The following TMEM132D variants were observed in gnomAD, a reference collection of about 807,000 sequenced individuals.
The protein encoded by TMEM132D is mature OL transmembrane protein.
In TMEM132D, 21 loss-of-function variants were observed where a neutral mutation model predicts 62.3. The ratio of observed to expected loss-of-function variants is 0.34; its 90% CI spans 0.24 to 0.49. The LOEUF is 0.49. TMEM132D is among the 20% of genes least tolerant of loss of function. The pLI, the probability that TMEM132D is intolerant of heterozygous loss-of-function variation, is 0.99. For missense variants in TMEM132D, 1,346 were observed against 1,402.8 expected (o/e 0.96, Z 0.65); for synonymous variants, 621 against 575.6 (o/e 1.08, Z -1.13).
At chr12:129,228,105 T>C (rs370659162) in intron 4 of TMEM132D, among the ~76,000 whole-genome samples, 1 of 152,092 alleles carries the variant, frequency 6.6e-6, no homozygotes, top group Non-Finnish European at 1.5e-5. Flanking sequence ...TAACAAAACA[T>C]GGTGTAGACA....
chr12:129,100,015 C>T (rs1231367568), intron 5 of TMEM132D, among the ~76,000 whole-genome samples: 5 of 121,928 alleles, frequency 4.1e-5, no homozygotes, highest in East Asian at 3.9e-4. Flanking sequence ...TTAGTAGAGA[C>T]GGGGCCACTT....
chr12:129,133,726 G>A (rs542516842), intron 5 of TMEM132D, among the ~76,000 whole-genome samples: 8 of 152,198 alleles, frequency 5.3e-5, no homozygotes, highest in Non-Finnish European at 1.2e-4. Context: ...GGTGTGTGGT[G>A]GGCCCCCAGT....
intron 3 of TMEM132D, among the ~76,000 whole-genome samples, chr12:129,500,356 G>A (rs191246546): frequency 4.4e-4 from 67 of 151,948 alleles, no homozygotes; most frequent in African/African-American, 1.4e-3. Context: ...TACCCTGAGC[G>A]GGGAGGCAAT....
At chr12:129,168,958 A>AG (rs757537318) in intron 5 of TMEM132D, among the ~76,000 whole-genome samples, 2 of 152,240 alleles carry the variant, frequency 1.3e-5, no homozygotes, top group Non-Finnish European at 2.9e-5. Flanking sequence ...CGGCCGATAG[A>AG]GGGACTAGAG....
intron 2 of TMEM132D, among the ~76,000 whole-genome samples, chr12:129,632,734 A>G (rs1166853762): frequency 6.6e-6 from 1 of 152,184 alleles, no homozygotes; most frequent in African/African-American, 2.4e-5. Flanking sequence ...CCATCCACGC[A>G]CGAGCTCCCT....
chr12:129,824,032 A>C (rs1295944282), intron 1 of TMEM132D, among the ~76,000 whole-genome samples: 1 of 152,156 alleles, frequency 6.6e-6, no homozygotes, highest in Non-Finnish European at 1.5e-5. Flanking sequence ...TGTGAGGGAC[A>C]GACACTCTAC....
intron 2 of TMEM132D, among the ~76,000 whole-genome samples, chr12:129,609,377 C>G (rs1439208263): frequency 6.6e-6 from 1 of 152,138 alleles, no homozygotes; most frequent in Admixed American, 6.5e-5. Flanking sequence ...TAGAGTAGGA[C>G]ATAGTGCTAC....
At chr12:129,130,988 G>A (rs937660175) in intron 5 of TMEM132D, among the ~76,000 whole-genome samples, 1 of 152,064 alleles carries the variant, frequency 6.6e-6, no homozygotes, top group Non-Finnish European at 1.5e-5. Flanking sequence ...TGGTGGGACC[G>A]AGGCATCAGC....
chr12:129,499,378 A>G (rs1254121946), intron 3 of TMEM132D, among the ~76,000 whole-genome samples: 1 of 152,200 alleles, frequency 6.6e-6, no homozygotes, highest in Non-Finnish European at 1.5e-5. Flanking sequence ...CAGGATCAGA[A>G]ATTAGTACAT....
At chr12:129,641,929 C>T (rs1366090104) in intron 2 of TMEM132D, among the ~76,000 whole-genome samples, 1 of 152,172 alleles carries the variant, frequency 6.6e-6, no homozygotes, top group African/African-American at 2.4e-5. Context: ...TTGTAACTTA[C>T]TGAGCTGTGT....
intron 1 of TMEM132D, among the ~76,000 whole-genome samples, chr12:129,782,407 T>TA (rs1871144890): frequency 1.3e-5 from 2 of 152,364 alleles, no homozygotes; most frequent in South Asian, 4.1e-4. Context: ...TTAGACAAGT[T>TA]GATTTACCTT....
At chr12:129,784,269 G>C (rs1419148118) in intron 1 of TMEM132D, among the ~76,000 whole-genome samples, 1 of 152,204 alleles carries the variant, frequency 6.6e-6, no homozygotes, top group Non-Finnish European at 1.5e-5. Flanking sequence ...CTGAGTGGAG[G>C]AAGCTCATTC....
intron 4 of TMEM132D, among the ~76,000 whole-genome samples, chr12:129,261,320 G>T (rs927017823): frequency 1.3e-5 from 2 of 152,146 alleles, no homozygotes; most frequent in Admixed American, 1.3e-4. Flanking sequence ...TGAATCATGG[G>T]GGTGGGTTTC....
At chr12:129,688,057 T>C (rs1433618727) in intron 2 of TMEM132D, among the ~76,000 whole-genome samples, 1 of 151,906 alleles carries the variant, frequency 6.6e-6, no homozygotes, top group East Asian at 1.9e-4. Flanking sequence ...ATCTGACAGC[T>C]CCAAAGGAGC....
At chr12:129,090,672 A>AAAAAAG (rs1555228956) in intron 5 of TMEM132D, among the ~76,000 whole-genome samples, 18 of 152,044 alleles carry the variant, frequency 1.2e-4, no homozygotes, top group African/African-American at 4.1e-4. Flanking sequence ...TGTCTGAAAA[A>AAAAAAG]AAAAGAAAAG....
intron 4 of TMEM132D, among the ~76,000 whole-genome samples, chr12:129,269,418 C>T (rs780673912): frequency 1.1e-4 from 17 of 151,982 alleles, no homozygotes; most frequent in Non-Finnish European, 1.9e-4. Flanking sequence ...CTTCCTTCTT[C>T]CTTCCTTCCA....
At chr12:129,259,848 T>C (rs1422441962) in intron 4 of TMEM132D, among the ~76,000 whole-genome samples, 1 of 152,210 alleles carries the variant, frequency 6.6e-6, no homozygotes, top group Non-Finnish European at 1.5e-5. Flanking sequence ...TCAAGTTGAC[T>C]TCTTGTAATT....
intron 4 of TMEM132D, among the ~76,000 whole-genome samples, chr12:129,226,696 T>C (rs1475345880): frequency 6.6e-6 from 1 of 152,226 alleles, no homozygotes; most frequent in South Asian, 2.1e-4. Flanking sequence ...CTCCTAACTT[T>C]TACATTTGGC....
At chr12:129,082,369 G>A (rs1013008916) in intron 6 of TMEM132D, among the ~76,000 whole-genome samples, 4 of 152,176 alleles carry the variant, frequency 2.6e-5, no homozygotes, top group Non-Finnish European at 5.9e-5. Context: ...AAAAGTGATT[G>A]GATGGTCACT....
Sources: gnomAD v4.1 joint callset for allele counts (sites outside exome capture counted in the v4.1 genomes callset) on GRCh38, gnomAD v4.1.1 for gene constraint, MANE v1.5 for transcripts, NCBI Gene and HGNC (gene_info 2026-07-23, HGNC 2026-07-21) for gene names.